SCAPER: variants seen among roughly 807,000 people sequenced by gnomAD.
The protein encoded by SCAPER is S phase cyclin A-associated protein in the endoplasmic reticulum.
In SCAPER, 98 loss-of-function variants were observed where a neutral mutation model predicts 182.2. That is an observed-to-expected ratio of 0.54 (90% CI 0.46 to 0.64). The LOEUF is 0.64. Ranked by LOEUF, SCAPER falls within the 30% of genes least tolerant of loss-of-function variation. The probability of loss-of-function intolerance (pLI) is 0.00; values close to 1 mark genes in which losing one functional copy is unlikely to be tolerated. For synonymous variants in SCAPER, 605 were observed against 564.6 expected, an observed-to-expected ratio of 1.07 and a Z score of -1.01; for missense variants, 1,432 against 1,690.0, an observed-to-expected ratio of 0.85 and a Z score of 2.68.
intron 5 of SCAPER, among the ~76,000 whole-genome samples, chr15:76,822,208 T>C (rs533688720): frequency 6.6e-6 from 1 of 152,232 alleles, no homozygotes; most frequent in African/African-American, 2.4e-5. Context: ...GTAACAAATA[T>C]ACCACTCAGG....
intron 27 of SCAPER, 83 bp from the exon 28 acceptor site, chr15:76,381,698 G>C: frequency 9.0e-7 from 1 of 1,110,912 alleles, no homozygotes; most frequent in Non-Finnish European, 1.3e-6. Flanking sequence ...AACAAGACAA[G>C]CAGACCGTTA....
intron 29 of SCAPER, among the ~76,000 whole-genome samples, chr15:76,371,614 G>A (rs866909271): frequency 1.3e-5 from 2 of 151,194 alleles, no homozygotes; most frequent in Non-Finnish European, 3.0e-5. Context: ...CACCATGCCT[G>A]GCTTATAATA....
At chr15:76,774,311 G>GA in intron 9 of SCAPER, 1 of 323,862 alleles carries the variant, frequency 3.1e-6, no homozygotes, top group South Asian at 2.6e-5. Flanking sequence ...TTAATGTCAT[G>GA]AAAGACAAAG....
intron 23 of SCAPER, among the ~76,000 whole-genome samples, chr15:76,538,356 C>T (rs1471803734): frequency 4.0e-5 from 6 of 148,968 alleles, no homozygotes; most frequent in Non-Finnish European, 8.9e-5. Context: ...GAAAATGTGG[C>T]ACATATACAC....
intron 21 of SCAPER, among the ~76,000 whole-genome samples, chr15:76,653,861 A>G (rs909250476): frequency 1.3e-5 from 2 of 152,236 alleles, no homozygotes; most frequent in African/African-American, 4.8e-5. Flanking sequence ...AACAAGTGGG[A>G]CATAATTAAA....
intron 2 of SCAPER, among the ~76,000 whole-genome samples, chr15:76,869,717 AAG>A (rs2072556825): frequency 6.6e-6 from 1 of 152,180 alleles, no homozygotes; most frequent in African/African-American, 2.4e-5. Context: ...AAAAACTAAA[AAG>A]AGAATCATCA....
intron 31 of SCAPER, chr15:76,350,364 CTTTGTG>C (rs936426092): frequency 1.0e-5 from 1 of 97,156 alleles, no homozygotes; most frequent in Non-Finnish European, 2.0e-5. Context: ...CTGTAGAGGA[CTTTGTG>C]TGTGTGTGTG....
chr15:76,402,047 A>C (rs898130215), intron 27 of SCAPER, among the ~76,000 whole-genome samples: 37 of 152,206 alleles, frequency 2.4e-4, no homozygotes, highest in African/African-American at 8.4e-4. Flanking sequence ...GAATCGCTTG[A>C]ACATGGAAGG....
chr15:76,507,174 G>C (rs768793553), intron 23 of SCAPER, among the ~76,000 whole-genome samples: 84 of 152,124 alleles, frequency 5.5e-4, no homozygotes, highest in Non-Finnish European at 6.8e-4. Flanking sequence ...GAGGCCGTTA[G>C]AGTAGGCTCT....
chr15:76,737,658 T>C (rs2061342561), intron 15 of SCAPER, among the ~76,000 whole-genome samples: 1 of 152,244 alleles, frequency 6.6e-6, no homozygotes, highest in Admixed American at 6.5e-5. Context: ...ATGAAAGTCC[T>C]AGATGGCATC....
chr15:76,718,239 C>T (rs973557017), intron 17 of SCAPER, among the ~76,000 whole-genome samples: 1 of 151,938 alleles, frequency 6.6e-6, no homozygotes, highest in African/African-American at 2.4e-5. Context: ...ACAATAGAAA[C>T]GCAACACAGC....
chr15:76,524,306 T>C (rs2043025770), intron 23 of SCAPER, among the ~76,000 whole-genome samples: 1 of 152,068 alleles, frequency 6.6e-6, no homozygotes, highest in African/African-American at 2.4e-5. Flanking sequence ...TTGAGAAGAC[T>C]AGTGTCTATA....
chr15:76,657,093 C>T (rs1164913045), intron 21 of SCAPER, among the ~76,000 whole-genome samples: 1 of 151,918 alleles, frequency 6.6e-6, no homozygotes, highest in Non-Finnish European at 1.5e-5. Context: ...ATGCAAATGA[C>T]CAACAAATCC....
intron 5 of SCAPER, among the ~76,000 whole-genome samples, chr15:76,819,876 G>T (rs1281055485): frequency 1.3e-5 from 2 of 152,052 alleles, no homozygotes; most frequent in Admixed American, 1.3e-4. Flanking sequence ...AATCTACAAT[G>T]AACCCAAACA....
intron 23 of SCAPER, among the ~76,000 whole-genome samples, chr15:76,568,190 CATATATATATATATAT>C (rs60959582): frequency 2.2e-4 from 30 of 138,686 alleles, no homozygotes; most frequent in East Asian, 4.1e-4. Context: ...ATGGATCAAG[CATATATATATATATAT>C]ATATATATAT....
chr15:76,428,439 T>C (rs1017718296), intron 26 of SCAPER, among the ~76,000 whole-genome samples: 14 of 152,204 alleles, frequency 9.2e-5, no homozygotes, highest in Non-Finnish European at 1.9e-4. Context: ...ATGCAATCTT[T>C]CTTTTTTACA....
At chr15:76,425,625 C>T (rs1166699603) in intron 26 of SCAPER, among the ~76,000 whole-genome samples, 1 of 152,224 alleles carries the variant, frequency 6.6e-6, no homozygotes, top group Non-Finnish European at 1.5e-5. Context: ...TTGTTAAAGT[C>T]ATTCTCCATC....
chr15:76,665,727 T>C lies in SCAPER; in HGVS notation c.2571A>G (p.Glu857=). The change falls in exon 21 of 32, where the codon GAA becomes GAG. Residue 857 remains glutamate, a synonymous_variant. Transcript: ENST00000563290. The part of the protein sequence containing the change: ...DIVVESTAPA[E]ALKDGEERQK... ...GCCGCTCTTCTCCATCTTTCAAAGC[T>C]TCTGCTGGAGCTGTACTTTCAACCA... 4.5e-6 allele frequency: 7 copies of C among 1,561,086 alleles called. No homozygotes were observed. Among genetic ancestry groups the C allele is most frequent in the Non-Finnish European group, 6.1e-6 (7 of 1,152,234 alleles).
intron 15 of SCAPER, among the ~76,000 whole-genome samples, chr15:76,745,450 A>AAAAAC (rs1176624621): frequency 8.5e-5 from 13 of 152,230 alleles, no homozygotes; most frequent in East Asian, 7.7e-4. Context: ...CTCCATCTCA[A>AAAAAC]AAAACAAAAC....
Sources: allele counts gnomAD v4.1 joint callset (sites outside exome capture counted in the v4.1 genomes callset), GRCh38; gene constraint gnomAD v4.1.1; transcripts MANE v1.5; gene names NCBI Gene and HGNC (gene_info 2026-07-23, HGNC 2026-07-21).